The following MYO10 variants were observed in gnomAD, a reference collection of about 807,000 sequenced individuals.
MYO10 encodes unconventional myosin-X.
Under a neutral mutation model 257.3 loss-of-function variants are expected in MYO10, and 133 were observed. The ratio of observed to expected loss-of-function variants is 0.52; its 90% confidence interval spans 0.45 to 0.60. The LOEUF (loss-of-function observed/expected upper bound fraction) is 0.60. Among genes scored for constraint, MYO10 ranks in the 20% least tolerant of loss-of-function variants. The pLI is 0.00. For missense variants in MYO10, 2,399 were observed against 2,635.7 expected, an observed-to-expected ratio of 0.91 and a Z score of 1.97; for synonymous variants, 1,104 against 1,028.6, an observed-to-expected ratio of 1.07 and a Z score of -1.40.
chr5:16,813,544 C>G (rs2126699829), intron 3 of MYO10, among the ~76,000 whole-genome samples: 1 of 149,686 alleles, frequency 6.7e-6, no homozygotes, highest in East Asian at 1.9e-4. Flanking sequence ...AAGTGAGACC[C>G]TGGCTCTAAA....
intron 19 of MYO10, among the ~76,000 whole-genome samples, chr5:16,737,448 C>T (rs1739849281): frequency 6.6e-6 from 1 of 152,108 alleles, no homozygotes; most frequent in Non-Finnish European, 1.5e-5. Context: ...TCTCCTAACA[C>T]GACTTACTAA....
chr5:16,674,206 G>A (rs1165006020), intron 35 of MYO10, among the ~76,000 whole-genome samples: 1 of 152,208 alleles, frequency 6.6e-6, no homozygotes, highest in Non-Finnish European at 1.5e-5. Context: ...CGTGGCTAAC[G>A]CCTGTAATCC....
intron 18 of MYO10, among the ~76,000 whole-genome samples, chr5:16,756,815 C>CCAAGGGTGGGTGCAGTGGCT (rs1740540882): frequency 6.6e-6 from 1 of 151,988 alleles, no homozygotes; most frequent in East Asian, 1.9e-4. Context: ...TTTCAAAAAC[C>CCAAGGGTGGGTGCAGTGGCT]CAAGGGTGGG....
Position 16,681,523 on chromosome 5 carries a change from T to G in MYO10, c.4190-20A>C. The G allele has an allele frequency of 1.9e-6, 3 of 1,588,266 alleles. No individual in the cohort carries two copies. Among genetic ancestry groups the G allele is most frequent in the Non-Finnish European group, 2.6e-6 (3 of 1,167,218 alleles). ...ACCATCCTGGAAAAAAAGATTAAAG[T>G]GTAAATTAAAATCTGTGAGGAGAAA... On this transcript the variant is annotated intron_variant, in intron 31 of 40. Coordinates refer to ENST00000513610, the MANE Select transcript of MYO10 (RefSeq NM_012334.3).
At chr5:16,856,088 G>C (rs934365138) in intron 2 of MYO10, among the ~76,000 whole-genome samples, 42 of 152,194 alleles carry the variant, frequency 2.8e-4, no homozygotes, top group African/African-American at 7.7e-4. Context: ...TTTTCTGTGA[G>C]ATTGCACACG....
chr5:16,815,584 C>T, intron 3 of MYO10: 6 of 630,516 alleles, frequency 9.5e-6, no homozygotes, highest in South Asian at 9.3e-5. Flanking sequence ...CTACCAGGTG[C>T]CTGGCAGTGT....
chr5:16,672,909 G>A (rs1736538412), intron 36 of MYO10, 84 bp from the exon 37 acceptor site: 3 of 1,487,316 alleles, frequency 2.0e-6, no homozygotes, highest in Non-Finnish European at 1.8e-6. Flanking sequence ...CCTGATCCCA[G>A]AGGGAGCTGC....
In MYO10 at chr5:16,668,422, G is replaced by T; in HGVS notation, c.5930C>A (p.Ala1977Glu). 1.2e-6 allele frequency: 2 copies of T among 1,613,380 alleles called. No homozygotes were observed. The highest frequency in any genetic ancestry group is 1.7e-6 in the Non-Finnish European group (2 of 1,179,672). Residue 1977 changes from alanine to glutamate, a missense_variant, in exon 40 of 41, where the codon GCG becomes GAG. By Grantham distance (107) the Ala-to-Glu change is moderately radical. Coordinates refer to ENST00000513610, the MANE Select transcript of MYO10 (RefSeq NM_012334.3). ...ACGCTTGTAGACGGAGACGGCGTCC[G>T]CGCTGACACCCAACCAGAGTTCCTG... ...FPQELWLGVS[A>E]DAVSVYKRGE...
At chr5:16,796,516 T>A (rs1032185709) in intron 3 of MYO10, among the ~76,000 whole-genome samples, 1 of 144,212 alleles carries the variant, frequency 6.9e-6, no homozygotes, top group Non-Finnish European at 1.6e-5. Context: ...AATAAATAAA[T>A]AGAGGCTACA....
intron 1 of MYO10, among the ~76,000 whole-genome samples, chr5:16,880,269 G>A (rs1479926163): frequency 6.6e-6 from 1 of 152,070 alleles, no homozygotes; most frequent in Non-Finnish European, 1.5e-5. Flanking sequence ...CTCTTTGTTT[G>A]ATGAATGAAT....
chr5:16,821,443 CTTTTTTTTTTTTTTTTTTTTTTTTTT>C (rs571931909), intron 2 of MYO10, among the ~76,000 whole-genome samples: 6 of 70,236 alleles, frequency 8.5e-5, no homozygotes, highest in East Asian at 4.8e-4. Flanking sequence ...CTCCTATTTT[CTTTTTTTTTTTTTTTTTTTTTTTTTT>C]TTTTTTTTTT....
At chr5:16,675,708 A>T (rs1294861426) in intron 34 of MYO10, among the ~76,000 whole-genome samples, 1 of 152,148 alleles carries the variant, frequency 6.6e-6, no homozygotes, top group Non-Finnish European at 1.5e-5. Flanking sequence ...ACTGCACCCC[A>T]GCCTGAGTGA....
rs371042891 is a variant in MYO10 at position 16,848,155 on chromosome 5, C to CTTTTTTTTTTTTTTTT, written c.120+29438_120+29453dup. Among the ~76,000 whole-genome samples, 160 of 113,512 alleles carry CTTTTTTTTTTTTTTTT rather than the reference C, an allele frequency of 1.4e-3. 2 individuals carry two copies. The highest frequency in any genetic ancestry group is 2.0e-3 in the Non-Finnish European group (116 of 58,132). 74.5% of individuals were successfully genotyped at this position (113,512 alleles called of 152,430 possible). A position where few individuals can be genotyped will look rare whatever the true frequency, so the allele number is the denominator to read the frequency against. ...TGATTAAGCAAAGAACTACACATTTCTTTTTTTTTTTTTTTTTTGTGAGAG... is the reference window on the plus strand; with the variant it reads ...TGATTAAGCAAAGAACTACACATTTCTTTTTTTTTTTTTTTTTTTTTTTTTTTTTTTTTTGTGAGAG... On this transcript the variant is annotated intron_variant, in intron 2 of 40. Coordinates refer to ENST00000513610, the MANE Select transcript of MYO10 (RefSeq NM_012334.3).
At chr5:16,849,963 G>A (rs1018138534) in intron 2 of MYO10, among the ~76,000 whole-genome samples, 3 of 152,146 alleles carry the variant, frequency 2.0e-5, no homozygotes, top group Admixed American at 1.3e-4. Flanking sequence ...AAGCCCAGAT[G>A]GCTTAGATTT....
rs1191518040 is a variant in MYO10 at position 16,822,684 on chromosome 5, A to AT, written c.121-4518dup. Among the ~76,000 whole-genome samples, 9 of 77,276 alleles carry AT rather than the reference A, an allele frequency of 1.2e-4. No individual in the cohort carries two copies. In the South Asian group the frequency reaches 5.7e-3, roughly 49 times the overall value. 50.7% of individuals were successfully genotyped at this position (77,276 alleles called of 152,430 possible). On this transcript the variant is annotated intron_variant, in intron 2 of 40. Transcript: ENST00000513610. Reference sequence around the variant, plus strand: ...AAATATTTTTTTTTCTTTTTTATTTATTTTTATTTTTTTTTTTTTTTGAGA... The same window carrying AT: ...AAATATTTTTTTTTCTTTTTTATTTATTTTTTATTTTTTTTTTTTTTTGAGA...
At chr5:16,932,080 C>G (rs1194883450) in intron 1 of MYO10, among the ~76,000 whole-genome samples, 1 of 152,208 alleles carries the variant, frequency 6.6e-6, no homozygotes, top group Non-Finnish European at 1.5e-5. Context: ...GAAGTCTGCT[C>G]TAATCCAGAG....
At chr5:16,912,418 C>T (rs902977868) in intron 1 of MYO10, among the ~76,000 whole-genome samples, 5 of 152,192 alleles carry the variant, frequency 3.3e-5, no homozygotes, top group African/African-American at 1.2e-4. Context: ...TAACTCAGTG[C>T]ACGCACTTTC....
At chr5:16,817,489 T>C (rs538236968) in intron 3 of MYO10, among the ~76,000 whole-genome samples, 12 of 152,370 alleles carry the variant, frequency 7.9e-5, no homozygotes, top group Non-Finnish European at 1.5e-4. Flanking sequence ...CCACTTTTTA[T>C]GTATTTCTCC....
chr5:16,789,411 T>C (rs1055410667), intron 4 of MYO10, among the ~76,000 whole-genome samples: 1 of 152,202 alleles, frequency 6.6e-6, no homozygotes, highest in Non-Finnish European at 1.5e-5. Flanking sequence ...TTGGGAAACT[T>C]CTCTACTGCC....
Sources: gnomAD v4.1 joint callset for allele counts (sites outside exome capture counted in the v4.1 genomes callset) on GRCh38, gnomAD v4.1.1 for gene constraint, MANE v1.5 for transcripts, NCBI Gene and HGNC (gene_info 2026-07-23, HGNC 2026-07-21) for gene names.